ESR1: variants seen among roughly 807,000 people sequenced by gnomAD.
ESR1 encodes estrogen receptor.
Under a neutral mutation model 52.7 loss-of-function variants are expected in ESR1, and 12 were observed. That is an observed-to-expected ratio of 0.23 (90% CI 0.15 to 0.37). ESR1 has a LOEUF of 0.37. Ranked by LOEUF, ESR1 falls within the 10% of genes least tolerant of loss-of-function variation. ESR1 has a pLI of 1.00. For missense variants in ESR1, 584 were observed against 779.7 expected, an observed-to-expected ratio of 0.75 and a Z score of 2.99; for synonymous variants, 305 against 316.8, an observed-to-expected ratio of 0.96 and a Z score of 0.39.
At chr6:151,976,014 C>T (rs1477709345) in intron 4 of ESR1, among the ~76,000 whole-genome samples, 1 of 152,100 alleles carries the variant, frequency 6.6e-6, no homozygotes, top group African/African-American at 2.4e-5. Flanking sequence ...AGCTTGGCTT[C>T]AGATATATAA....
At chr6:151,853,149 C>A (rs112670323) in intron 2 of ESR1, among the ~76,000 whole-genome samples, 3 of 107,318 alleles carry the variant, frequency 2.8e-5, no homozygotes, top group African/African-American at 1.1e-4. Context: ...TCCAGCCTGG[C>A]GACAGAGTGA....
chr6:151,659,535 TA>T (rs1441276362), intron 1 of ESR1, among the ~76,000 whole-genome samples: 1 of 152,220 alleles, frequency 6.6e-6, no homozygotes, highest in African/African-American at 2.4e-5. Flanking sequence ...TTCTCATGGC[TA>T]ATGAATGCTA....
At chr6:152,076,840 T>A (rs1028283060) in intron 6 of ESR1, among the ~76,000 whole-genome samples, 5 of 152,100 alleles carry the variant, frequency 3.3e-5, no homozygotes, top group Non-Finnish European at 7.4e-5. Flanking sequence ...AGCAAAACAT[T>A]CAAAAGGTGA....
intron 2 of ESR1, among the ~76,000 whole-genome samples, chr6:151,712,515 C>T (rs942411017): frequency 1.3e-5 from 2 of 151,936 alleles, no homozygotes; most frequent in East Asian, 1.9e-4. Context: ...CTCGTTTTTC[C>T]TTGAGCAGTG....
chr6:151,928,931 C>T (rs1035721813), intron 3 of ESR1, among the ~76,000 whole-genome samples: 8 of 152,090 alleles, frequency 5.3e-5, no homozygotes, highest in African/African-American at 1.9e-4. Flanking sequence ...ACTTTGTACA[C>T]TTTCTGTTCT....
At chr6:152,059,395 ATTCTCTATTAAATGTTTTG>A (rs1466417548) in intron 5 of ESR1, among the ~76,000 whole-genome samples, 2 of 152,012 alleles carry the variant, frequency 1.3e-5, no homozygotes, top group Non-Finnish European at 2.9e-5. Context: ...GATAAATTTA[ATTCTCTATTAAATGTTTTG>A]CAGAAGAAAA....
rs567476033 is a variant in ESR1, at chr6:151,838,438, C to G, written c.453-4159C>G. ...AGCCCAGATTGGTGCCTGACCCACCCTTATGGCCCAGACATGGACACCTCC... is the reference window on the plus strand; with the variant it reads ...AGCCCAGATTGGTGCCTGACCCACCGTTATGGCCCAGACATGGACACCTCC... On this transcript the variant is annotated intron_variant, in intron 1 of 7. Coordinates refer to ENST00000206249, the MANE Select transcript of ESR1 (RefSeq NM_000125.4). 2.0e-5 allele frequency among the ~76,000 whole-genome samples: 3 copies of G among 152,268 alleles called. No homozygotes were observed. The South Asian group carries it at 6.2e-4, about 32-fold the overall frequency.
chr6:151,898,895 G>A (rs373547498), intron 3 of ESR1, among the ~76,000 whole-genome samples: 20 of 152,156 alleles, frequency 1.3e-4, no homozygotes, highest in Middle Eastern at 3.4e-3. Flanking sequence ...ATCATGGCCC[G>A]TTCTCAATGA....
chr6:152,077,348 C>T (rs2048824257), intron 6 of ESR1, among the ~76,000 whole-genome samples: 1 of 152,304 alleles, frequency 6.6e-6, no homozygotes, highest in South Asian at 2.1e-4. Context: ...TGCCTGGATA[C>T]CCAGGCAAAC....
At chr6:151,877,909 A>C (rs9397450) in intron 2 of ESR1, among the ~76,000 whole-genome samples, 5 of 151,802 alleles carry the variant, frequency 3.3e-5, no homozygotes, top group East Asian at 1.9e-4. Context: ...TCCTGGGCTC[A>C]AGCGATTCTC....
chr6:151,703,142 T>G (rs1038436716), intron 2 of ESR1, among the ~76,000 whole-genome samples: 20 of 152,230 alleles, frequency 1.3e-4, no homozygotes, highest in Non-Finnish European at 2.5e-4. Flanking sequence ...AATTTCCTAA[T>G]TGTAGAACTG....
intron 2 of ESR1, among the ~76,000 whole-genome samples, chr6:151,748,220 T>A (rs1783625819): frequency 6.6e-6 from 1 of 152,180 alleles, no homozygotes; most frequent in African/African-American, 2.4e-5. Flanking sequence ...AATTGAAACA[T>A]GCAGAAAGTA....
At chr6:151,669,364 C>A (rs911050694) in intron 1 of ESR1, among the ~76,000 whole-genome samples, 2 of 151,910 alleles carry the variant, frequency 1.3e-5, no homozygotes, top group African/African-American at 4.8e-5. Context: ...TATTCAATAA[C>A]AAGCCTACAG....
chr6:151,715,739 T>C (rs539632871), intron 2 of ESR1, among the ~76,000 whole-genome samples: 1 of 152,304 alleles, frequency 6.6e-6, no homozygotes, highest in South Asian at 2.1e-4. Context: ...TCCTCTATCC[T>C]TTTTTCAAGG....
intron 2 of ESR1, among the ~76,000 whole-genome samples, chr6:151,792,011 C>T (rs1215164174): frequency 6.6e-6 from 1 of 152,154 alleles, no homozygotes; most frequent in African/African-American, 2.4e-5. Flanking sequence ...TATACTTATG[C>T]CAACCTCAGT....
At chr6:151,776,576 G>A (rs1371228683) in intron 2 of ESR1, among the ~76,000 whole-genome samples, 4 of 152,176 alleles carry the variant, frequency 2.6e-5, no homozygotes, top group African/African-American at 9.7e-5. Context: ...GGTGGCTCAC[G>A]CCTGTAATCC....
At chr6:151,738,083 AT>A (rs1391087855) in intron 2 of ESR1, among the ~76,000 whole-genome samples, 2 of 152,120 alleles carry the variant, frequency 1.3e-5, no homozygotes, top group African/African-American at 4.8e-5. Flanking sequence ...TTTATTTCAC[AT>A]TTCATTGTTG....
rs538976927 is a variant in ESR1 at position 151,926,666 on chromosome 6, G to T, written c.761-17507G>T. Among the ~76,000 whole-genome samples, 13 of 152,192 alleles carry T rather than the reference G, an allele frequency of 8.5e-5. No homozygotes were observed. In the South Asian group the frequency reaches 2.7e-3, roughly 32 times the overall value. ...GTTATTCATGATGATATGTAGGAAA[G>T]AAATTGACTTTTGTATATTGACATT... On this transcript the variant is annotated intron_variant, in intron 3 of 7. Transcript: ENST00000206249.
At chr6:151,763,635 C>T (rs1784824182) in intron 2 of ESR1, among the ~76,000 whole-genome samples, 1 of 152,106 alleles carries the variant, frequency 6.6e-6, no homozygotes, top group Non-Finnish European at 1.5e-5. Context: ...ATGCAGACGT[C>T]CAGTCTTGGA....
Sources: gnomAD v4.1 joint callset for allele counts (sites outside exome capture counted in the v4.1 genomes callset) on GRCh38, gnomAD v4.1.1 for gene constraint, MANE v1.5 for transcripts, NCBI Gene and HGNC (gene_info 2026-07-23, HGNC 2026-07-21) for gene names.